Variants in DIP2C observed in about 807,000 individuals in gnomAD.
DIP2C encodes DIP2 acetate--CoA ligase C (putative), also known as disco-interacting protein 2 homolog C.
DIP2C carries 33 observed loss-of-function variants against 192.4 expected under a neutral mutation model. That is an observed-to-expected ratio of 0.17 (90% CI 0.13 to 0.23). The LOEUF is 0.23. Ranked by LOEUF, DIP2C falls within the 10% of genes least tolerant of loss-of-function variation. The pLI, the probability that DIP2C is intolerant of heterozygous loss-of-function variation, is 1.00. For synonymous variants in DIP2C, 979 were observed against 864.1 expected (o/e 1.13, Z -2.33); for missense variants, 1,537 against 2,110.1 (o/e 0.73, Z 5.32).
At chr10:413,705 T>C (rs1454414834) in intron 8 of DIP2C, among the ~76,000 whole-genome samples, 2 of 151,834 alleles carry the variant, frequency 1.3e-5, no homozygotes, top group Admixed American at 1.3e-4. Flanking sequence ...GGGCAGAGGG[T>C]AAACCTCCGG....
At chr10:633,211 T>C (rs1208445812) in intron 1 of DIP2C, among the ~76,000 whole-genome samples, 1 of 152,278 alleles carries the variant, frequency 6.6e-6, no homozygotes, top group Non-Finnish European at 1.5e-5. Flanking sequence ...CATTTCTTCA[T>C]GTCAATCAAA....
intron 3 of DIP2C, among the ~76,000 whole-genome samples, chr10:443,314 T>A (rs1432866840): frequency 6.6e-6 from 1 of 152,240 alleles, no homozygotes; most frequent in Non-Finnish European, 1.5e-5. Flanking sequence ...TTATCTTTCA[T>A]CACTCATTTA....
At chr10:631,833 A>G (rs1369665003) in intron 1 of DIP2C, among the ~76,000 whole-genome samples, 1 of 152,190 alleles carries the variant, frequency 6.6e-6, no homozygotes, top group Middle Eastern at 3.2e-3. Context: ...TGGCGAAGGC[A>G]TTTTCATATG....
At chr10:570,864 T>C (rs1849750681) in intron 1 of DIP2C, among the ~76,000 whole-genome samples, 3 of 152,234 alleles carry the variant, frequency 2.0e-5, no homozygotes. Context: ...ATTAAAAGCG[T>C]GTTTCATTCA....
chr10:622,980 T>A (rs999398114), intron 1 of DIP2C, among the ~76,000 whole-genome samples: 2 of 152,252 alleles, frequency 1.3e-5, no homozygotes, highest in African/African-American at 4.8e-5. Flanking sequence ...AATGTCTAAA[T>A]TCACTTTTTC....
chr10:663,943 G>A (rs1207018755), intron 1 of DIP2C: 2 of 151,990 alleles, frequency 1.3e-5, no homozygotes, highest in African/African-American at 4.9e-5. Flanking sequence ...ACCAGAGGGT[G>A]GGAGGCAGGG....
intron 1 of DIP2C, among the ~76,000 whole-genome samples, chr10:553,990 C>G (rs529389005): frequency 6.7e-6 from 1 of 149,946 alleles, no homozygotes; most frequent in East Asian, 2.0e-4. Context: ...GTAAGAGTGG[C>G]GAACAGGCAA....
At chr10:606,137 C>A (rs1852449175) in intron 1 of DIP2C, among the ~76,000 whole-genome samples, 1 of 152,238 alleles carries the variant, frequency 6.6e-6, no homozygotes, top group Admixed American at 6.5e-5. Context: ...TCTCCTCGCG[C>A]TGCTTTCTGG....
intron 1 of DIP2C, among the ~76,000 whole-genome samples, chr10:566,547 ATGC>A (rs1238631551): frequency 6.6e-6 from 1 of 152,236 alleles, no homozygotes; most frequent in Non-Finnish European, 1.5e-5. Flanking sequence ...AGCAACACAG[ATGC>A]TGCTGCTGAG....
intron 17 of DIP2C, among the ~76,000 whole-genome samples, chr10:375,218 T>C (rs1028378065): frequency 5.9e-5 from 9 of 152,210 alleles, no homozygotes; most frequent in African/African-American, 2.2e-4. Flanking sequence ...GAGTTCTCAC[T>C]TTATGAGTTC....
intron 1 of DIP2C, among the ~76,000 whole-genome samples, chr10:605,242 C>T (rs1482128241): frequency 6.6e-6 from 1 of 152,134 alleles, no homozygotes; most frequent in Admixed American, 6.5e-5. Flanking sequence ...AAATGGGGAA[C>T]GGGGGCAGCA....
chr10:578,127 C>T (rs1222862679), intron 1 of DIP2C, among the ~76,000 whole-genome samples: 1 of 152,188 alleles, frequency 6.6e-6, no homozygotes, highest in Non-Finnish European at 1.5e-5. Context: ...CTCGAAAGCT[C>T]TCTATTCTTC....
intron 7 of DIP2C, among the ~76,000 whole-genome samples, chr10:414,733 G>GTATATATATA (rs1485973532): frequency 1.7e-5 from 1 of 58,260 alleles, no homozygotes; most frequent in African/African-American, 6.2e-5. Context: ...GTGTGTGTGT[G>GTATATATATA]TGTGTGTACA....
chr10:598,136 C>A (rs1311392388), intron 1 of DIP2C, among the ~76,000 whole-genome samples: 1 of 152,228 alleles, frequency 6.6e-6, no homozygotes, highest in Non-Finnish European at 1.5e-5. Context: ...GAGGAAAGTG[C>A]CAGGCAAAGA....
intron 1 of DIP2C, among the ~76,000 whole-genome samples, chr10:655,361 A>G (rs1361603392): frequency 6.6e-6 from 1 of 152,216 alleles, no homozygotes; most frequent in Non-Finnish European, 1.5e-5. Context: ...AAGAGCAAAA[A>G]TCCTGCAGCA....
At chr10:401,031 T>C (rs866636278) in intron 9 of DIP2C, among the ~76,000 whole-genome samples, 4 of 124,434 alleles carry the variant, frequency 3.2e-5, no homozygotes, top group Admixed American at 7.8e-5. Context: ...ACACGTGTGG[T>C]AGCATTAGCA....
chr10:488,466 A>G (rs1381958894), intron 1 of DIP2C, among the ~76,000 whole-genome samples: 2 of 152,190 alleles, frequency 1.3e-5, no homozygotes, highest in African/African-American at 2.4e-5. Context: ...CAGGACCACA[A>G]ATCTAAGACA....
chr10:473,730 T>A (rs1970837953), intron 2 of DIP2C, among the ~76,000 whole-genome samples: 1 of 152,272 alleles, frequency 6.6e-6, no homozygotes, highest in Admixed American at 6.5e-5. Context: ...AATAGATGCT[T>A]CTTCAGAAAT....
intron 9 of DIP2C, among the ~76,000 whole-genome samples, 174 bp from the exon 10 acceptor site, chr10:399,393 C>T (rs960339329): frequency 6.6e-6 from 1 of 152,192 alleles, no homozygotes; most frequent in African/African-American, 2.4e-5. Flanking sequence ...GCCTTGAATT[C>T]ATATAGAAGA....
Sources: allele counts gnomAD v4.1 joint callset (sites outside exome capture counted in the v4.1 genomes callset), GRCh38; gene constraint gnomAD v4.1.1; transcripts MANE v1.5; gene names NCBI Gene and HGNC (gene_info 2026-07-23, HGNC 2026-07-21).